The following CHI3L1 variants were observed in gnomAD, a reference collection of about 807,000 sequenced individuals.
The protein encoded by CHI3L1 is chitinase-3-like protein 1.
A neutral mutation model predicts 40.7 loss-of-function variants in CHI3L1; 30 were observed. The observed-to-expected ratio is 0.74, with a 90% CI of 0.55 to 1.00. The LOEUF is 1.00. CHI3L1 is among the 50% of genes least tolerant of loss of function. CHI3L1 has a pLI of 0.00. For missense variants in CHI3L1, 493 were observed against 492.2 expected, an observed-to-expected ratio of 1.00 and a Z score of -0.01; for synonymous variants, 210 against 192.1, an observed-to-expected ratio of 1.09 and a Z score of -0.77.
chr1:203,183,659 A>G lies in CHI3L1; in HGVS notation c.447T>C (p.His149=). The change falls in exon 5 of 10, where the codon CAT becomes CAC. Residue 149 remains histidine (H), a synonymous_variant. Coordinates refer to ENST00000255409, the MANE Select transcript of CHI3L1 (RefSeq NM_001276.4). ...CCAGCACCTTGATTAGGGTGGTAAA[A>G]TGCTGTTTGTCTCTCCGTCCAGGGT... ...WLYPGRRDKQ[H]FTTLIKEMKA... 1 of 1,614,076 alleles carries G rather than the reference A, an allele frequency of 6.2e-7. No individual in the cohort carries two copies. The highest frequency in any genetic ancestry group is 1.1e-5 in the South Asian group (1 of 91,078).
rs1423835354 is a variant in CHI3L1 at position 203,182,715 on chromosome 1, G to C, written c.587+16C>G. ...GGCAGAGGTTCTGGGGAGGCTGCCTGGGGCAGGAGACTCACTGGGATATCT... is the reference window on the plus strand; with the variant it reads ...GGCAGAGGTTCTGGGGAGGCTGCCTCGGGCAGGAGACTCACTGGGATATCT... On this transcript the variant is annotated intron_variant, in intron 6 of 9. Transcript: ENST00000255409. 2 of 1,613,782 alleles carry C rather than the reference G, an allele frequency of 1.2e-6. No homozygotes were observed. Among genetic ancestry groups the C allele is most frequent in the Admixed American group, 1.7e-5 (1 of 60,018 alleles).
rs752438854 is a variant in CHI3L1, at chr1:203,185,182, A to G, written c.257+2T>C. ...TCCTCTCCTGGCCAGCCCTGGCCCAACCTGTTCTTGAGTGTGTTGAGCATG... is the reference window on the plus strand; with the variant it reads ...TCCTCTCCTGGCCAGCCCTGGCCCAGCCTGTTCTTGAGTGTGTTGAGCATG... On this transcript the variant is annotated splice_donor_variant, in intron 3 of 9. Coordinates refer to ENST00000255409, the MANE Select transcript of CHI3L1 (RefSeq NM_001276.4). LOFTEE classifies it high-confidence loss of function. 4.3e-6 allele frequency: 7 copies of G among 1,613,500 alleles called. No homozygotes were observed. In the South Asian group the frequency reaches 4.4e-5, roughly 10 times the overall value.
In CHI3L1 at chr1:203,185,285, G is replaced by C; in HGVS notation, c.156C>G (p.Thr52=). 6.2e-7 allele frequency: 1 copy of C among 1,614,184 alleles called. No homozygotes were observed. The highest frequency in any genetic ancestry group is 8.5e-7 in the Non-Finnish European group (1 of 1,179,992). The change falls in exon 3 of 10, where the codon ACC becomes ACG. Residue 52 remains threonine (T), a synonymous_variant. Transcript: ENST00000255409. Reference sequence around the variant, plus strand: ...TATTGGCAAAGCTGTAGATGATGTGGGTACAGAGGAAGCGGTCAAGGGCAT... The same window carrying C: ...TATTGGCAAAGCTGTAGATGATGTGCGTACAGAGGAAGCGGTCAAGGGCAT... ...FPDALDRFLC[T]HIIYSFANIS... is the part of the protein sequence containing the mutation.
chr1:203,186,606 A>G lies in CHI3L1; in HGVS notation c.18T>C (p.Ser6=). 1 of 1,614,114 alleles carries G rather than the reference A, an allele frequency of 6.2e-7. No homozygotes were observed. Among genetic ancestry groups the G allele is most frequent in the Non-Finnish European group, 8.5e-7 (1 of 1,180,010 alleles). MGVKA[S]QTGFVVLVLL... Reference sequence around the variant, plus strand: ...CTTGGCTAGCCCAGATACCTGTTTGAGACGCCTTCACACCCATTCTGGCTG... The same window carrying G: ...CTTGGCTAGCCCAGATACCTGTTTGGGACGCCTTCACACCCATTCTGGCTG... Residue 6 remains serine, a synonymous_variant, in exon 1 of 10, where the codon TCT becomes TCC. Coordinates refer to ENST00000255409, the MANE Select transcript of CHI3L1 (RefSeq NM_001276.4).
At chr1:203,182,448 C>A (rs1655955572) in intron 6 of CHI3L1, among the ~76,000 whole-genome samples, 1 of 152,238 alleles carries the variant, frequency 6.6e-6, no homozygotes, top group South Asian at 2.1e-4. Flanking sequence ...GCTTTTTCCA[C>A]TTCCCTTTCC....
chr1:203,185,209 C>T lies in CHI3L1; in HGVS notation c.232G>A (p.Gly78Ser), dbSNP rs149615845. 149 of 1,613,972 alleles carry T rather than the reference C, an allele frequency of 9.2e-5. No individual in the cohort carries two copies. Among genetic ancestry groups the T allele is most frequent in the Non-Finnish European group, 1.2e-4 (139 of 1,179,990 alleles). Residue 78 changes from glycine to serine, a missense_variant, in exon 3 of 10, where the codon GGC becomes AGC. Transcript: ENST00000255409. ...TWEWNDVTLY[G>S]MLNTLKNRNP... Reference sequence around the variant, plus strand: ...CTGTTCTTGAGTGTGTTGAGCATGCCGTAGAGCGTCACATCATTCCACTCC... The same window carrying T: ...CTGTTCTTGAGTGTGTTGAGCATGCTGTAGAGCGTCACATCATTCCACTCC...
intron 2 of CHI3L1, among the ~76,000 whole-genome samples, chr1:203,185,845 T>C (rs528196004): frequency 6.6e-5 from 10 of 152,308 alleles, no homozygotes; most frequent in Admixed American, 4.6e-4. Flanking sequence ...CTGGCCCACC[T>C]TTCTCTGCCT....
Position 203,186,651 on chromosome 1 carries a change from G to A in CHI3L1, c.-28C>T, listed in dbSNP as rs1558149973. ...TGGCTGCAGCAGAGCAGGGCAGGGT[G>A]TGGCCTCTTCCCTTGCCCACGGCTC... On this transcript the variant is annotated 5_prime_UTR_variant, in exon 1 of 10. Transcript: ENST00000255409. 3.7e-6 allele frequency: 6 copies of A among 1,613,840 alleles called. No homozygotes were observed. The highest frequency in any genetic ancestry group is 2.2e-5 in the East Asian group (1 of 44,894).
chr1:203,180,133 G>A (rs777001392), intron 8 of CHI3L1: 5 of 572,522 alleles, frequency 8.7e-6, no homozygotes, highest in African/African-American at 1.9e-5. Context: ...TTGACACTGA[G>A]GACAGGCCCA....
chr1:203,181,676 G>C, intron 6 of CHI3L1: 1 of 175,506 alleles, frequency 5.7e-6, no homozygotes, highest in Admixed American at 6.2e-5. Flanking sequence ...GAGGGAAGCA[G>C]ACAGCAGCCA....
rs763588973 is a variant in CHI3L1, at chr1:203,179,444, G to T, written c.*1C>A. 9.1e-6 allele frequency: 14 copies of T among 1,533,548 alleles called. No individual in the cohort carries two copies. The highest frequency in any genetic ancestry group is 1.2e-5 in the Non-Finnish European group (14 of 1,139,634). 95.0% of individuals were successfully genotyped at this position (1,533,548 alleles called of 1,614,324 possible). ...CCCCGTGCTGTGTGCAGAACAGAGG[G>T]CTACGTTGCAGCGAGTGCATCCTTG... On this transcript the variant is annotated 3_prime_UTR_variant, in exon 10 of 10. Transcript: ENST00000255409.
At chr1:203,186,221 C>T (rs2102212589) in intron 2 of CHI3L1, 95 bp downstream of exon 2, 1 of 1,368,490 alleles carries the variant, frequency 7.3e-7, no homozygotes, top group Non-Finnish European at 1.0e-6. Flanking sequence ...AAGAACCTGG[C>T]AAAGTGTTCC....
At chr1:203,180,956 C>A (rs966430727) in intron 7 of CHI3L1, among the ~76,000 whole-genome samples, 1 of 152,146 alleles carries the variant, frequency 6.6e-6, no homozygotes, top group Admixed American at 6.5e-5. Flanking sequence ...GGCCCCCTGC[C>A]CTCACTCCAT....
At chr1:203,184,990 C>T (rs905986438) in intron 3 of CHI3L1, among the ~76,000 whole-genome samples, 194 bp downstream of exon 3, 7 of 152,260 alleles carry the variant, frequency 4.6e-5, no homozygotes, top group South Asian at 2.1e-4. Flanking sequence ...GCTGCGCTTC[C>T]GTCTACAGTC....
At chr1:203,182,503 CAGGTGAAAAAGGAAAGGCAAGG>C (rs1655956899) in intron 6 of CHI3L1, among the ~76,000 whole-genome samples, 1 of 152,296 alleles carries the variant, frequency 6.6e-6, no homozygotes, top group Middle Eastern at 3.4e-3. Context: ...GCCAACAGCC[CAGGTGAAAAAGGAAAGGCAAGG>C]ATTGTTATGC....
rs894867927 is a variant in CHI3L1 at position 203,181,410 on chromosome 1, G to A, written c.588-125C>T. 31 of 1,050,628 alleles carry A rather than the reference G, an allele frequency of 3.0e-5. No homozygotes were observed. In the East Asian group the frequency reaches 3.4e-4, roughly 12 times the overall value. 65.1% of individuals were successfully genotyped at this position (1,050,628 alleles called of 1,614,324 possible). On this transcript the variant is annotated intron_variant, in intron 6 of 9. Coordinates refer to ENST00000255409, the MANE Select transcript of CHI3L1 (RefSeq NM_001276.4). ...GGCCGAGGCAGGTGGATCATGAGGT[G>A]AGGAGTTCAAGACCAGCCTGGCCAA...
chr1:203,183,863 TC>T, intron 4 of CHI3L1, 72 bp from the exon 5 acceptor site: 1 of 1,552,242 alleles, frequency 6.4e-7, no homozygotes, highest in Non-Finnish European at 8.9e-7. Context: ...TGGTGGGGTT[TC>T]CAGGACCTGC....
chr1:203,182,671 G>A (rs1253680172), intron 6 of CHI3L1, 60 bp downstream of exon 6: 7 of 1,603,560 alleles, frequency 4.4e-6, no homozygotes, highest in Middle Eastern at 2.0e-4. Flanking sequence ...GCTGGGGGTG[G>A]CGGGGAAACA....
In CHI3L1 at chr1:203,179,493, C is replaced by T. The variant is rs761261967; in HGVS notation, c.1104G>A (p.Leu368=). Residue 368 remains leucine, a synonymous_variant, in exon 10 of 10, where the codon CTG becomes CTA. Coordinates refer to ENST00000255409, the MANE Select transcript of CHI3L1 (RefSeq NM_001276.4). ...DFQGSFCGQD[L]RFPLTNAIKD... ...TGATGGCATTGGTGAGAGGGAAGCG[C>T]AGATCCTGGCCACAGAAGGAGCCCT... 1 of 1,572,246 alleles carries T rather than the reference C, an allele frequency of 6.4e-7. No homozygotes were observed. The highest frequency in any genetic ancestry group is 8.6e-7 in the Non-Finnish European group (1 of 1,157,976).
Sources: allele counts gnomAD v4.1 joint callset (sites outside exome capture counted in the v4.1 genomes callset), GRCh38; gene constraint gnomAD v4.1.1; transcripts MANE v1.5; gene names NCBI Gene and HGNC (gene_info 2026-07-23, HGNC 2026-07-21).